Variants in CADM2 observed in about 807,000 individuals in gnomAD.
The protein encoded by CADM2 is cell adhesion molecule 2.
CADM2 carries 12 observed loss-of-function variants against 49.8 expected under a neutral mutation model. The observed-to-expected ratio is 0.24, with a 90% CI of 0.15 to 0.39. CADM2 has a LOEUF of 0.39. CADM2 is among the 10% of genes least tolerant of loss of function. CADM2 has a pLI of 1.00. For synonymous variants in CADM2, 214 were observed against 175.4 expected (o/e 1.22, Z -1.74); for missense variants, 378 against 492.3 (o/e 0.77, Z 2.20).
At position 85,435,090 on chromosome 3, in the gene CADM2, T is replaced by TGCC. The variant is rs1357844717; in HGVS notation, c.62-291432_62-291431insGCC. ...GAATGTGCAGGTTTGTTACATAGTA[T>TGCC]ACATGTGCCATGGTGATCTGCTACA... On this transcript the variant is annotated intron_variant, in intron 1 of 9. Coordinates refer to ENST00000383699, the MANE Select transcript of CADM2 (RefSeq NM_001167675.2). Among the ~76,000 whole-genome samples the TGCC allele has an allele frequency of 5.5e-4, 83 of 152,148 alleles. 2 individuals are homozygous for TGCC. The highest frequency in any genetic ancestry group is 1.0e-4 in the Non-Finnish European group (7 of 68,010).
At chr3:85,563,833 G>T (rs552774588) in intron 1 of CADM2, among the ~76,000 whole-genome samples, 1 of 152,142 alleles carries the variant, frequency 6.6e-6, no homozygotes, top group South Asian at 2.1e-4. Context: ...TGATTGCAGT[G>T]GCACCATTAA....
At position 85,773,969 on chromosome 3, in the gene CADM2, T is replaced by A. The variant is rs543046449; in HGVS notation, c.89-28078T>A. On this transcript the variant is annotated intron_variant, in intron 2 of 9. Coordinates refer to ENST00000383699, the MANE Select transcript of CADM2 (RefSeq NM_001167675.2). ...ATTTTACCTATCCAGGAAAGCATAA[T>A]CTTGTTTTTGGAGGCTGATACTTTT... 2.5e-3 allele frequency among the ~76,000 whole-genome samples: 377 copies of A among 152,070 alleles called. 26 individuals are homozygous for A. In the South Asian group the frequency reaches 0.075, roughly 30 times the overall value.
At chr3:85,139,296 C>T (rs2039508956) in intron 1 of CADM2, among the ~76,000 whole-genome samples, 1 of 152,026 alleles carries the variant, frequency 6.6e-6, no homozygotes, top group Admixed American at 6.6e-5. Flanking sequence ...GCCAAGATAT[C>T]ATGATTTTTG....
chr3:85,523,639 A>C (rs2106911332), intron 1 of CADM2, among the ~76,000 whole-genome samples: 1 of 152,160 alleles, frequency 6.6e-6, no homozygotes, highest in East Asian at 1.9e-4. Flanking sequence ...AGAAAATAAT[A>C]ATAACTTATC....
chr3:85,986,580 C>A (rs866012157), intron 8 of CADM2, among the ~76,000 whole-genome samples: 8 of 151,978 alleles, frequency 5.3e-5, no homozygotes, highest in Middle Eastern at 3.4e-3. Flanking sequence ...ATTCAATATC[C>A]AGATGGTCCA....
chr3:85,733,842 G>A (rs1300492586), intron 2 of CADM2, among the ~76,000 whole-genome samples: 1 of 152,022 alleles, frequency 6.6e-6, no homozygotes, highest in African/African-American at 2.4e-5. Context: ...CATTCAGTTG[G>A]TTCATGTCAT....
chr3:85,279,196 C>G (rs1234154424), intron 1 of CADM2, among the ~76,000 whole-genome samples: 2 of 151,450 alleles, frequency 1.3e-5, no homozygotes, highest in African/African-American at 4.8e-5. Flanking sequence ...GTCCCTGTAG[C>G]TAATCACTTC....
intron 1 of CADM2, among the ~76,000 whole-genome samples, chr3:85,155,616 C>A (rs2040084672): frequency 1.3e-5 from 2 of 152,044 alleles, no homozygotes; most frequent in Admixed American, 1.3e-4. Context: ...GAACTCTCCA[C>A]CCCAAATCAA....
chr3:86,044,965 A>T (rs938725920), intron 8 of CADM2, among the ~76,000 whole-genome samples: 34 of 151,794 alleles, frequency 2.2e-4, no homozygotes, highest in Non-Finnish European at 3.1e-4. Flanking sequence ...AAGGACAAAA[A>T]ACCAAACACT....
At chr3:85,998,649 A>G (rs1028319961) in intron 8 of CADM2, among the ~76,000 whole-genome samples, 1 of 152,132 alleles carries the variant, frequency 6.6e-6, no homozygotes, top group African/African-American at 2.4e-5. Flanking sequence ...AAAAGTTTAG[A>G]GCCTATTCAG....
intron 1 of CADM2, among the ~76,000 whole-genome samples, chr3:85,103,873 G>A (rs2038108097): frequency 1.3e-5 from 2 of 152,146 alleles, no homozygotes; most frequent in Admixed American, 1.3e-4. Flanking sequence ...GGGCTAGGAT[G>A]ACATGTAAAG....
At chr3:85,969,827 C>T (rs1725894330) in intron 8 of CADM2, among the ~76,000 whole-genome samples, 1 of 150,962 alleles carries the variant, frequency 6.6e-6, no homozygotes, top group Admixed American at 6.7e-5. Context: ...CTGTTTCTGT[C>T]TGTCTCTCCC....
chr3:85,393,758 T>C (rs2034632289), intron 1 of CADM2, among the ~76,000 whole-genome samples: 1 of 140,570 alleles, frequency 7.1e-6, no homozygotes, highest in Admixed American at 6.9e-5. Flanking sequence ...TCCATTAAGA[T>C]TTTTTTTAAT....
At chr3:85,023,312 G>GTA (rs2034587454) in intron 1 of CADM2, among the ~76,000 whole-genome samples, 2 of 152,062 alleles carry the variant, frequency 1.3e-5, no homozygotes, top group Admixed American at 6.5e-5. Flanking sequence ...CCTCAGTAGG[G>GTA]CTGGTTTGCA....
chr3:85,352,770 C>G (rs1427344176), intron 1 of CADM2, among the ~76,000 whole-genome samples: 1 of 152,028 alleles, frequency 6.6e-6, no homozygotes, highest in Non-Finnish European at 1.5e-5. Context: ...ACTGGATGAC[C>G]ATGTCAAATC....
chr3:85,987,491 A>G (rs1188306444), intron 8 of CADM2, among the ~76,000 whole-genome samples: 2 of 150,798 alleles, frequency 1.3e-5, no homozygotes. Context: ...CTAACAGTAT[A>G]TATGTTTTCT....
In CADM2 at chr3:85,937,370, G is replaced by A. The variant is rs559783178; in HGVS notation, c.791+1513G>A. Among the ~76,000 whole-genome samples the A allele has an allele frequency of 4.6e-5, 7 of 151,812 alleles. No individual in the cohort carries two copies. The South Asian group carries it at 1.5e-3, about 31-fold the overall frequency. The stretch of plus-strand genomic sequence containing the variant: ...ATGCAAAATATTACCTTTCTCAGAA[G>A]GATCCTGATTACTATCATTTTGCAA... On this transcript the variant is annotated intron_variant, in intron 7 of 9. Coordinates refer to ENST00000383699, the MANE Select transcript of CADM2 (RefSeq NM_001167675.2).
chr3:85,442,005 T>C (rs951983868), intron 1 of CADM2, among the ~76,000 whole-genome samples: 3 of 152,114 alleles, frequency 2.0e-5, no homozygotes, highest in African/African-American at 7.2e-5. Context: ...ATATTATTTA[T>C]GTTTCATCCC....
intron 8 of CADM2, among the ~76,000 whole-genome samples, chr3:85,990,267 G>T (rs749350737): frequency 1.8e-4 from 28 of 151,940 alleles, no homozygotes; most frequent in Non-Finnish European, 3.5e-4. Flanking sequence ...AATTGCATGA[G>T]ATATTCAATA....
Sources: gnomAD v4.1 joint callset for allele counts (sites outside exome capture counted in the v4.1 genomes callset) on GRCh38, gnomAD v4.1.1 for gene constraint, MANE v1.5 for transcripts, NCBI Gene and HGNC (gene_info 2026-07-23, HGNC 2026-07-21) for gene names.